PPP2R2D: variants seen among roughly 807,000 people sequenced by gnomAD.
PPP2R2D encodes the protein serine/threonine-protein phosphatase 2A 55 kDa regulatory subunit B delta isoform.
Under a neutral mutation model 31.1 loss-of-function variants are expected in PPP2R2D, and 9 were observed. The observed-to-expected ratio is 0.29, with a 90% CI of 0.17 to 0.51. The LOEUF (loss-of-function observed/expected upper bound fraction) is 0.51. PPP2R2D is among the 20% of genes least tolerant of loss of function. PPP2R2D has a pLI of 0.98. For synonymous variants in PPP2R2D, 179 were observed against 172.6 expected (o/e 1.04, Z -0.29); for missense variants, 391 against 465.6 (o/e 0.84, Z 1.48).
At chr10:131,968,804 G>C in the PPP2R2D span, 1 of 391,820 alleles carries the variant, frequency 2.6e-6, no homozygotes, top group Non-Finnish European at 4.8e-6. Context: ...TACATAGAAG[G>C]ATCACCAAAC....
At chr10:131,971,040 C>T in the PPP2R2D span, 4 of 1,416,448 alleles carry the variant, frequency 2.8e-6, no homozygotes, top group South Asian at 1.2e-5. Context: ...CCAGCTCCCA[C>T]CCGAGCTTCA....
Position 131,946,366 on chromosome 10 carries a change from C to G in PPP2R2D, c.820+907C>G, listed in dbSNP as rs782271386. Reference sequence around the variant, plus strand: ...CCTCCAGTGCCAGCAGGTAGACACACGTCCAGTGACTTCCTCTGATGGGGA... The same window carrying G: ...CCTCCAGTGCCAGCAGGTAGACACAGGTCCAGTGACTTCCTCTGATGGGGA... On this transcript the variant is annotated intron_variant, in intron 7 of 8. Coordinates refer to ENST00000455566, the MANE Select transcript of PPP2R2D (RefSeq NM_018461.5). Among the ~76,000 whole-genome samples, 59 of 152,300 alleles carry G rather than the reference C, an allele frequency of 3.9e-4. No homozygotes were observed. The Middle Eastern group carries it at 0.01, about 26-fold the overall frequency.
chr10:131,914,451 G>T (rs1390820471), intron 2 of PPP2R2D, among the ~76,000 whole-genome samples: 1 of 152,024 alleles, frequency 6.6e-6, no homozygotes, highest in African/African-American at 2.4e-5. Context: ...TTTTTTGGAG[G>T]GTAATTTGAC....
At chr10:131,940,375 G>A (rs1028471780) in intron 4 of PPP2R2D, among the ~76,000 whole-genome samples, 179 bp downstream of exon 4, 1 of 151,954 alleles carries the variant, frequency 6.6e-6, no homozygotes. Flanking sequence ...AAAACCACAC[G>A]TGCACTTTAT....
intron 2 of PPP2R2D, among the ~76,000 whole-genome samples, chr10:131,908,699 T>A (rs933142556): frequency 2.0e-5 from 3 of 152,218 alleles, no homozygotes; most frequent in Admixed American, 2.0e-4. Context: ...ATTACAGGGT[T>A]GCTGTGAAGA....
intron 2 of PPP2R2D, chr10:131,911,588 C>G (rs1311223127): frequency 6.6e-6 from 1 of 152,264 alleles, no homozygotes; most frequent in African/African-American, 2.4e-5. Flanking sequence ...CTCGGGGCTG[C>G]TGCCACAGAT....
At chr10:131,936,781 G>A (rs1554896572) in intron 3 of PPP2R2D, among the ~76,000 whole-genome samples, 1 of 152,224 alleles carries the variant, frequency 6.6e-6, no homozygotes. Flanking sequence ...CCCTACTGAA[G>A]TTGTTCAGCC....
At chr10:131,906,034 C>T (rs1211843390) in intron 2 of PPP2R2D, among the ~76,000 whole-genome samples, 2 of 152,338 alleles carry the variant, frequency 1.3e-5, no homozygotes, top group East Asian at 3.9e-4. Flanking sequence ...AACCAATTCT[C>T]AAACTATTTG....
At chr10:131,953,137 A>G (rs1460647361) in intron 8 of PPP2R2D, among the ~76,000 whole-genome samples, 9 of 25,940 alleles carry the variant, frequency 3.5e-4, no homozygotes, top group Non-Finnish European at 3.8e-4. Flanking sequence ...AGTGACTTGC[A>G]GGTTTGCGGG....
intron 2 of PPP2R2D, among the ~76,000 whole-genome samples, chr10:131,915,475 T>C (rs143613715): frequency 1.3e-5 from 2 of 152,304 alleles, no homozygotes; most frequent in Non-Finnish European, 2.9e-5. Context: ...CCATCTTGTT[T>C]TGGGTTTTTG....
At chr10:131,939,790 C>T (rs1197034873) in intron 3 of PPP2R2D, 2 of 281,110 alleles carry the variant, frequency 7.1e-6, no homozygotes, top group Non-Finnish European at 1.3e-5. Flanking sequence ...CCAGAAAATA[C>T]AGCAAGGCTG....
chr10:131,926,417 C>T (rs915064638), intron 2 of PPP2R2D, among the ~76,000 whole-genome samples: 5 of 152,056 alleles, frequency 3.3e-5, no homozygotes, highest in East Asian at 1.9e-4. Context: ...GTGGCTCACG[C>T]GTGTAATTCA....
intron 2 of PPP2R2D, among the ~76,000 whole-genome samples, chr10:131,910,467 G>A (rs1375026670): frequency 6.6e-6 from 1 of 152,140 alleles, no homozygotes; most frequent in African/African-American, 2.4e-5. Context: ...TTTTATCATT[G>A]GTAACAAATA....
Position 131,955,811 on chromosome 10 carries a change from T to C in PPP2R2D, c.1210T>C (p.Cys404Arg). 6 of 1,606,468 alleles carry C rather than the reference T, an allele frequency of 3.7e-6. No homozygotes were observed. The highest frequency in any genetic ancestry group is 5.1e-6 in the Non-Finnish European group (6 of 1,175,876). Residue 404 changes from cysteine (C) to arginine (R), a missense_variant, in exon 9 of 9, where the codon TGT becomes CGT. Cys to Arg is a radical substitution (Grantham distance 180, BLOSUM62 -3). Coordinates refer to ENST00000455566, the MANE Select transcript of PPP2R2D (RefSeq NM_018461.5). Reference protein sequence around the residue: ...PRASLKPRKVCTGGKRRKDEI... With the variant: ...PRASLKPRKVRTGGKRRKDEI... ...CGCCAGCCTCAAACCCCGGAAGGTG[T>C]GTACGGGGGGTAAGCGGAGGAAAGA...
chr10:131,937,820 AC>A (rs555888344), intron 3 of PPP2R2D, among the ~76,000 whole-genome samples: 129 of 152,358 alleles, frequency 8.5e-4, no homozygotes, highest in African/African-American at 3.0e-3. Flanking sequence ...TTGAAATAGA[AC>A]TGTCTGTTGA....
chr10:131,903,902 G>T (rs1037522823), intron 2 of PPP2R2D, among the ~76,000 whole-genome samples: 1 of 152,150 alleles, frequency 6.6e-6, no homozygotes, highest in Non-Finnish European at 1.5e-5. Context: ...AGAGATGTTG[G>T]TGAGAGATAA....
intron 8 of PPP2R2D, among the ~76,000 whole-genome samples, chr10:131,948,888 A>C (rs2036590991): frequency 6.6e-6 from 1 of 152,234 alleles, no homozygotes; most frequent in Non-Finnish European, 1.5e-5. Context: ...TAGGGTCCAA[A>C]GGGCAGTTTG....
downstream of PPP2R2D, among the ~76,000 whole-genome samples, chr10:131,961,970 G>A (rs1166072699): frequency 1.3e-5 from 2 of 152,188 alleles, no homozygotes; most frequent in South Asian, 4.1e-4. Flanking sequence ...GTCAGAACCC[G>A]CGGGGGTTTT....
chr10:131,902,816 G>A (rs1388566000), intron 2 of PPP2R2D, among the ~76,000 whole-genome samples: 1 of 152,100 alleles, frequency 6.6e-6, no homozygotes, highest in Non-Finnish European at 1.5e-5. Context: ...GCAGTGGTGC[G>A]ATCTGGGCTC....
Sources: gnomAD v4.1 joint callset for allele counts (sites outside exome capture counted in the v4.1 genomes callset) on GRCh38, gnomAD v4.1.1 for gene constraint, MANE v1.5 for transcripts, NCBI Gene and HGNC (gene_info 2026-07-23, HGNC 2026-07-21) for gene names.